Variants in PCDH7 observed in about 807,000 individuals in gnomAD.
PCDH7 encodes protocadherin 7, also known as protocadherin-7.
PCDH7 carries 17 observed loss-of-function variants against 58.9 expected under a neutral mutation model. The ratio of observed to expected loss-of-function variants is 0.29; its 90% CI spans 0.20 to 0.43. The LOEUF is 0.43. Among genes scored for constraint, PCDH7 ranks in the 20% least tolerant of loss-of-function variants. PCDH7 has a pLI of 1.00. For synonymous variants in PCDH7, 664 were observed against 616.4 expected (o/e 1.08, Z -1.14); for missense variants, 1,274 against 1,441.0 (o/e 0.88, Z 1.88).
At chr4:31,007,545 T>A (rs1385400188) in intron 3 of PCDH7, among the ~76,000 whole-genome samples, 1 of 151,986 alleles carries the variant, frequency 6.6e-6, no homozygotes, top group African/African-American at 2.4e-5. Context: ...GAAAGTGCTA[T>A]GCAATATTTT....
chr4:30,853,587 A>G (rs759767314), intron 1 of PCDH7, among the ~76,000 whole-genome samples: 2 of 152,066 alleles, frequency 1.3e-5, no homozygotes, highest in Non-Finnish European at 2.9e-5. Context: ...TTTTTAATCA[A>G]ACATGTTAGG....
intron 3 of PCDH7, among the ~76,000 whole-genome samples, chr4:31,073,732 A>C (rs1758751585): frequency 1.3e-5 from 2 of 152,202 alleles, no homozygotes; most frequent in African/African-American, 4.8e-5. Flanking sequence ...CACTGTTTGC[A>C]TACACAATTT....
chr4:31,074,768 GA>G (rs1196369247), intron 3 of PCDH7, among the ~76,000 whole-genome samples: 1 of 105,352 alleles, frequency 9.5e-6, no homozygotes, highest in African/African-American at 5.0e-5. Context: ...CTGGGCTACA[GA>G]GGGAGATTCC....
intron 1 of PCDH7, among the ~76,000 whole-genome samples, chr4:30,821,492 G>A (rs142109846): frequency 6.6e-6 from 1 of 152,328 alleles, no homozygotes; most frequent in African/African-American, 2.4e-5. Flanking sequence ...AGGCTAGACT[G>A]GTTCTGACAT....
rs372866872 is a variant in PCDH7, at chr4:30,860,869, T to C, written c.71-59284T>C. Among the ~76,000 whole-genome samples the C allele has an allele frequency of 1.2e-4, 18 of 152,292 alleles. No individual in the cohort carries two copies. The East Asian group carries it at 3.1e-3, about 26-fold the overall frequency. On this transcript the variant is annotated intron_variant, in intron 1 of 3. Coordinates refer to the PCDH7 transcript ENST00000509759. ...GAAGGAAAACATCTTATAGTTATCT[T>C]TGAATCTCTAGTACCCAGTATGCTG...
intron 1 of PCDH7, among the ~76,000 whole-genome samples, chr4:30,872,826 T>C (rs886282591): frequency 3.3e-5 from 5 of 152,076 alleles, no homozygotes; most frequent in African/African-American, 1.2e-4. Context: ...CTTCATTTTT[T>C]CTCATCATTT....
rs148215342 is a variant in PCDH7 at position 31,019,434 on chromosome 4, T to C, written c.*7+69219T>C. Among the ~76,000 whole-genome samples the C allele has an allele frequency of 8.5e-3, 1,300 of 152,256 alleles. 24 individuals carry two copies. Among genetic ancestry groups the C allele is most frequent in the East Asian group, 0.034 (178 of 5,160 alleles). On this transcript the variant is annotated intron_variant, in intron 3 of 3. Coordinates refer to the PCDH7 transcript ENST00000509759. Reference sequence around the variant, plus strand: ...AAATAGGATTCCTGGCCAGGCATGGTGGCTCGTGCCTATAATCTCAGCACT... The same window carrying C: ...AAATAGGATTCCTGGCCAGGCATGGCGGCTCGTGCCTATAATCTCAGCACT...
At chr4:30,847,741 T>A (rs976837135) in intron 1 of PCDH7, among the ~76,000 whole-genome samples, 2 of 152,152 alleles carry the variant, frequency 1.3e-5, no homozygotes, top group Admixed American at 6.6e-5. Flanking sequence ...AATTGCAGTA[T>A]GATTTTTATT....
At chr4:30,973,979 G>A (rs1419832047) in intron 3 of PCDH7, among the ~76,000 whole-genome samples, 7 of 152,040 alleles carry the variant, frequency 4.6e-5, no homozygotes, top group African/African-American at 1.7e-4. Context: ...TAGCAAGAAG[G>A]AGTATGCTTG....
chr4:31,115,275 A>G (rs892619705), intron 3 of PCDH7, among the ~76,000 whole-genome samples: 6 of 152,216 alleles, frequency 3.9e-5, no homozygotes, highest in East Asian at 1.9e-4. Context: ...ATTTTTCTGT[A>G]TAAAATGATT....
At chr4:31,083,062 T>G (rs1012648595) in intron 3 of PCDH7, among the ~76,000 whole-genome samples, 1 of 151,954 alleles carries the variant, frequency 6.6e-6, no homozygotes, top group Non-Finnish European at 1.5e-5. Context: ...GAGCGGAGAT[T>G]GCGCCACTGC....
intron 3 of PCDH7, among the ~76,000 whole-genome samples, chr4:31,120,476 A>T (rs1267837492): frequency 1.6e-5 from 2 of 126,132 alleles, no homozygotes; most frequent in South Asian, 2.3e-4. Context: ...TGTATGTTAC[A>T]TCTCCTGTAT....
At chr4:30,989,078 A>C (rs1430807659) in intron 3 of PCDH7, among the ~76,000 whole-genome samples, 1 of 152,176 alleles carries the variant, frequency 6.6e-6, no homozygotes, top group Admixed American at 6.6e-5. Context: ...TAGCATTAAA[A>C]ATGTTTTATG....
intron 1 of PCDH7, among the ~76,000 whole-genome samples, chr4:30,882,282 A>C (rs1453455407): frequency 6.7e-6 from 1 of 148,414 alleles, no homozygotes; most frequent in Non-Finnish European, 1.5e-5. Context: ...TTCTTCTTGG[A>C]GAAAGGGTCT....
intron 3 of PCDH7, among the ~76,000 whole-genome samples, chr4:31,118,065 C>T (rs1717218264): frequency 3.3e-5 from 5 of 152,178 alleles, no homozygotes; most frequent in Admixed American, 3.3e-4. Flanking sequence ...AGATAGGATT[C>T]ACATTTAAAT....
exon 4 of PCDH7, chr4:31,142,557 T>G: frequency 7.3e-7 from 1 of 1,367,726 alleles, no homozygotes; most frequent in Non-Finnish European, 9.8e-7. Flanking sequence ...TCCTGCTGGA[T>G]GCCGGTCCGC....
At chr4:31,014,223 C>T (rs931561198) in intron 3 of PCDH7, among the ~76,000 whole-genome samples, 2 of 151,570 alleles carry the variant, frequency 1.3e-5, no homozygotes, top group Admixed American at 6.6e-5. Flanking sequence ...AAAAAAATAG[C>T]GTAATTATAA....
intron 3 of PCDH7, among the ~76,000 whole-genome samples, chr4:31,050,975 G>C (rs1485668913): frequency 6.6e-6 from 1 of 151,974 alleles, no homozygotes; most frequent in Non-Finnish European, 1.5e-5. Flanking sequence ...TTTCAAAAAG[G>C]GTGTTACTTG....
chr4:31,043,993 A>G (rs942384423), intron 3 of PCDH7, among the ~76,000 whole-genome samples: 1 of 152,156 alleles, frequency 6.6e-6, no homozygotes. Flanking sequence ...ACCTTTCTCT[A>G]AGGATATCTA....
Sources: gnomAD v4.1 joint callset for allele counts (sites outside exome capture counted in the v4.1 genomes callset) on GRCh38, gnomAD v4.1.1 for gene constraint, MANE v1.5 for transcripts, NCBI Gene and HGNC (gene_info 2026-07-23, HGNC 2026-07-21) for gene names.